Variants in SAMM50 observed in about 807,000 individuals in gnomAD.
SAMM50 encodes SAMM50 sorting and assembly machinery component, also known as sorting and assembly machinery component 50 homolog.
A neutral mutation model predicts 66.9 loss-of-function variants in SAMM50; 47 were observed. That is an observed-to-expected ratio of 0.70 (90% CI 0.56 to 0.90). SAMM50 has a LOEUF of 0.90. Among genes scored for constraint, SAMM50 ranks in the 40% least tolerant of loss-of-function variants. SAMM50 has a pLI of 0.00. For synonymous variants in SAMM50, 191 were observed against 214.1 expected (o/e 0.89, Z 0.94); for missense variants, 535 against 595.3 (o/e 0.90, Z 1.05).
At position 43,964,445 on chromosome 22, in the gene SAMM50, C is replaced by A. The variant is rs370580114; in HGVS notation, c.133-7C>A. The A allele has an allele frequency of 5.2e-6, 8 of 1,544,848 alleles. No homozygotes were observed. The African/African-American group carries it at 8.1e-5, about 16-fold the overall frequency. ...CATCCCTAATACTGTCCCTGTGTGA[C>A]TTTTAGGTGGTTGTTCAACATGTTC... On this transcript the variant is annotated splice_polypyrimidine_tract_variant and splice_region_variant and intron_variant, in intron 2 of 14. Transcript: ENST00000350028.
intron 2 of SAMM50, 79 bp from the exon 3 acceptor site, chr22:43,964,373 C>T: frequency 1.5e-6 from 1 of 685,118 alleles, no homozygotes. Flanking sequence ...ATTAATTAAA[C>T]CTTGACATTG....
At chr22:43,980,613 T>C (rs1266928457) in intron 10 of SAMM50, among the ~76,000 whole-genome samples, 1 of 152,106 alleles carries the variant, frequency 6.6e-6, no homozygotes, top group Non-Finnish European at 1.5e-5. Context: ...TGGAGCCTTC[T>C]GAGCAGAGTC....
At chr22:43,969,587 C>T (rs945791817) in intron 4 of SAMM50, among the ~76,000 whole-genome samples, 9 of 152,256 alleles carry the variant, frequency 5.9e-5, no homozygotes, top group Admixed American at 5.2e-4. Flanking sequence ...AGACAGTTCA[C>T]CTGGCCAGGG....
chr22:43,958,250 T>G (rs2050129691), intron 1 of SAMM50, among the ~76,000 whole-genome samples: 1 of 152,258 alleles, frequency 6.6e-6, no homozygotes, highest in South Asian at 2.1e-4. Context: ...CATTTACATT[T>G]TGGCTTGTTT....
chr22:43,975,798 A>G (rs1464660577), intron 7 of SAMM50: 1 of 408,412 alleles, frequency 2.4e-6, no homozygotes, highest in Non-Finnish European at 4.5e-6. Context: ...CCTGTCCCTC[A>G]CCTGGGGTGC....
At chr22:43,963,697 C>T (rs1455014126) in intron 2 of SAMM50, among the ~76,000 whole-genome samples, 2 of 152,156 alleles carry the variant, frequency 1.3e-5, no homozygotes, top group Non-Finnish European at 2.9e-5. Context: ...TATTTCCATT[C>T]CCTACTCCCA....
chr22:43,990,446 C>T (rs777268518), intron 14 of SAMM50, 40 bp downstream of exon 14: 4 of 1,589,088 alleles, frequency 2.5e-6, no homozygotes, highest in African/African-American at 2.7e-5. Context: ...ACATCCCACT[C>T]TCCAGTAATT....
rs2050275877 is a variant in SAMM50 at position 43,983,663 on chromosome 22, C to T, written c.1008-270C>T. Among the ~76,000 whole-genome samples the T allele has an allele frequency of 6.6e-6, 1 of 152,158 alleles. No individual in the cohort carries two copies. Among genetic ancestry groups the T allele is most frequent in the Non-Finnish European group, 1.5e-5 (1 of 68,022 alleles). On this transcript the variant is annotated intron_variant, in intron 11 of 14. Coordinates refer to ENST00000350028, the MANE Select transcript of SAMM50 (RefSeq NM_015380.5). The surrounding 1 kb of genome is among the most constrained non-coding windows in gnomAD (Gnocchi z 4.2). ...TAGTTCCTTTGTGACAGACAGTTTG[C>T]CCTGCCCCTCTCTCCTAGTGTGTTT...
intron 7 of SAMM50, 114 bp from the exon 8 acceptor site, chr22:43,975,941 A>T: frequency 2.8e-6 from 3 of 1,060,086 alleles, no homozygotes; most frequent in South Asian, 1.7e-5. Context: ...TCTCATCATT[A>T]AAAAAAATTA....
At chr22:43,988,998 A>G (rs2050308425) in intron 12 of SAMM50, 113 bp from the exon 13 acceptor site, 34 of 998,678 alleles carry the variant, frequency 3.4e-5, no homozygotes, top group Non-Finnish European at 4.9e-5. Context: ...AAACTCCAGC[A>G]CTGTGTGGCG....
intron 14 of SAMM50, among the ~76,000 whole-genome samples, chr22:43,991,053 T>G (rs769457481): frequency 1.3e-5 from 2 of 151,910 alleles, no homozygotes; most frequent in Non-Finnish European, 1.5e-5. Flanking sequence ...CTTGGCTCAC[T>G]GCAACCTCTG....
intron 10 of SAMM50, among the ~76,000 whole-genome samples, chr22:43,978,986 C>T (rs1185689653): frequency 6.6e-6 from 1 of 152,214 alleles, no homozygotes. Flanking sequence ...GCCCCTGCCA[C>T]CACAGGCCTC....
chr22:43,988,941 T>G (rs1420573029), intron 12 of SAMM50, 170 bp from the exon 13 acceptor site: 1 of 543,288 alleles, frequency 1.8e-6, no homozygotes, highest in East Asian at 2.9e-5. Context: ...GAAAGATTAT[T>G]TAAAATGAGG....
chr22:43,970,371 C>A (rs1301159220), intron 4 of SAMM50, among the ~76,000 whole-genome samples: 1 of 152,170 alleles, frequency 6.6e-6, no homozygotes, highest in Non-Finnish European at 1.5e-5. Flanking sequence ...CCCGTGGTGT[C>A]TTGTTGCTTT....
chr22:43,976,063 A>C lies in SAMM50; in HGVS notation c.657A>C (p.Ile219=). 6.2e-7 allele frequency: 1 copy of C among 1,610,340 alleles called. No individual in the cohort carries two copies. The highest frequency in any genetic ancestry group is 8.5e-7 in the Non-Finnish European group (1 of 1,176,728). The change falls in exon 8 of 15, where the codon ATA becomes ATC. Residue 219 remains isoleucine, a synonymous_variant. Coordinates refer to ENST00000350028, the MANE Select transcript of SAMM50 (RefSeq NM_015380.5). ...TGATCTCCATGTTGCAGTTTCCCAT[A>C]TGGAAGACCAGCCACACTGTCAAGT... is the stretch of plus-strand genomic sequence containing the variant. ...RGMSAEYSFP[I]WKTSHTVKWE...
At chr22:43,988,839 C>T (rs938813781) in intron 12 of SAMM50, 3 of 313,158 alleles carry the variant, frequency 9.6e-6, no homozygotes, top group Admixed American at 4.8e-5. Context: ...TTCACAGATA[C>T]GATGAATGAC....
chr22:43,974,529 A>G (rs2050221363), intron 7 of SAMM50: 2 of 152,438 alleles, frequency 1.3e-5, no homozygotes, highest in South Asian at 4.1e-4. Context: ...CTCAGAGCAC[A>G]CAGAGCTGGG....
chr22:43,991,560 A>G (rs1448087814), intron 14 of SAMM50, among the ~76,000 whole-genome samples: 1 of 152,236 alleles, frequency 6.6e-6, no homozygotes, highest in East Asian at 1.9e-4. Flanking sequence ...GAGCCACCGC[A>G]CCCAGCTGCG....
chr22:43,956,947 G>A, intron 1 of SAMM50: 1 of 570,460 alleles, frequency 1.8e-6, no homozygotes, highest in Non-Finnish European at 3.1e-6. Flanking sequence ...CTAGCAAGTA[G>A]GTCAGAGTGC....
Sources: gnomAD v4.1 joint callset for allele counts (sites outside exome capture counted in the v4.1 genomes callset) on GRCh38, gnomAD v4.1.1 for gene constraint, Gnocchi (gnomAD v3.1) non-coding constraint, MANE v1.5 for transcripts, NCBI Gene and HGNC (gene_info 2026-07-23, HGNC 2026-07-21) for gene names.